AKAP3: variants seen among roughly 807,000 people sequenced by gnomAD.
AKAP3 encodes A-kinase anchoring protein 3.
In AKAP3, 27 loss-of-function variants were observed where a neutral mutation model predicts 57.2. The ratio of observed to expected loss-of-function variants is 0.47; its 90% confidence interval spans 0.35 to 0.65. AKAP3 has a LOEUF of 0.65. AKAP3 is among the 30% of genes least tolerant of loss of function. AKAP3 has a pLI of 0.01. For missense variants in AKAP3, 959 were observed against 1,040.0 expected (o/e 0.92, Z 1.07); for synonymous variants, 334 against 392.3 (o/e 0.85, Z 1.76).
chr12:4,636,166 C>A, intron 4 of AKAP3: 2 of 635,230 alleles, frequency 3.1e-6, no homozygotes, highest in South Asian at 3.5e-5. Context: ...TAGCCATGTT[C>A]ACATTTGAAA....
At position 4,626,649 on chromosome 12, in the gene AKAP3, C is replaced by A. The variant is rs779141768; in HGVS notation, c.2253G>T (p.Gly751=). Residue 751 remains glycine (G), a synonymous_variant, in exon 5 of 6, where the codon GGG becomes GGT. Transcript: ENST00000228850. ...TGACAATCACCGTGGGTGCTGCACA[C>A]CCTTCAGGGGGCTGTCCTGATGTGC... ...MRGTSGQPPE[G]CAAPTVIVSN... 1 of 1,614,230 alleles carries A rather than the reference C, an allele frequency of 6.2e-7. No individual in the cohort carries two copies. The highest frequency in any genetic ancestry group is 8.5e-7 in the Non-Finnish European group (1 of 1,180,042).
intron 4 of AKAP3, among the ~76,000 whole-genome samples, chr12:4,634,588 T>A (rs1470240522): frequency 1.3e-5 from 2 of 152,204 alleles, no homozygotes; most frequent in African/African-American, 4.8e-5. Context: ...CCAGCAGTGA[T>A]TAATTAGATA....
chr12:4,618,610 G>T (rs11608895), intron 5 of AKAP3, among the ~76,000 whole-genome samples: 2,862 of 152,302 alleles, frequency 0.019, 41 homozygotes, highest in Non-Finnish European at 0.029. Context: ...GGGCTATTTT[G>T]CTCATTGCAT....
At chr12:4,645,882 ATT>A in intron 1 of AKAP3, 1 of 152,164 alleles carries the variant, frequency 6.6e-6, no homozygotes, top group Non-Finnish European at 1.5e-5. Flanking sequence ...CAGAGTAAGT[ATT>A]ATGTATTAAC....
Position 4,647,111 on chromosome 12 carries a change from T to C in AKAP3, c.-245+1634A>G, listed in dbSNP as rs1045630789. Among the ~76,000 whole-genome samples the C allele has an allele frequency of 2.0e-5, 3 of 152,144 alleles. No individual in the cohort carries two copies. The South Asian group carries it at 6.2e-4, about 32-fold the overall frequency. On this transcript the variant is annotated intron_variant, in intron 1 of 5. Coordinates refer to ENST00000228850, the MANE Select transcript of AKAP3 (RefSeq NM_001278309.2). ...TCGTCTTTGAAATAATGGGGCTTGC[T>C]GAGCTCCTAAAATCTCTTCCAGCTC...
chr12:4,627,459 A>T lies in AKAP3; in HGVS notation c.1443T>A (p.Ala481=). 1 of 1,613,970 alleles carries T rather than the reference A, an allele frequency of 6.2e-7. No homozygotes were observed. ...ATGCAGGCTTACGCTGTGTGTTGGG[A>T]GCTTCAAATGCTGCATGCTGGAAAC... ...SLGFQHAAFE[A]PNTQRKPASD... Residue 481 remains alanine (A), a synonymous_variant, in exon 5 of 6, where the codon GCT becomes GCA. Coordinates refer to ENST00000228850, the MANE Select transcript of AKAP3 (RefSeq NM_001278309.2).
intron 4 of AKAP3, among the ~76,000 whole-genome samples, chr12:4,634,384 G>T (rs1339673534): frequency 6.6e-6 from 1 of 152,098 alleles, no homozygotes; most frequent in East Asian, 1.9e-4. Flanking sequence ...ATACTTTTAA[G>T]CAACTCTTAA....
intron 5 of AKAP3, among the ~76,000 whole-genome samples, chr12:4,616,669 TA>T (rs1945288978): frequency 6.6e-6 from 1 of 151,870 alleles, no homozygotes; most frequent in Admixed American, 6.5e-5. Context: ...AAATATAAAA[TA>T]AAAACCTGTC....
Position 4,648,999 on chromosome 12 carries a change from C to CG in AKAP3, c.-500_-499insC. On this transcript the variant is annotated 5_prime_UTR_variant, in exon 1 of 6. Coordinates refer to ENST00000228850, the MANE Select transcript of AKAP3 (RefSeq NM_001278309.2). ...TTCACTTTCCCAGCTTTCTTCTTAA[C>CG]CAACAATCTACCCGAAACCGTCGTT... 9.4e-7 allele frequency: 1 copy of CG among 1,063,172 alleles called. No homozygotes were observed. Among genetic ancestry groups the CG allele is most frequent in the Non-Finnish European group, 1.4e-6 (1 of 729,834 alleles). The allele number at this position is 1,063,172 out of a possible 1,614,324, so 65.9% of individuals were successfully genotyped here. A position where few individuals can be genotyped will look rare whatever the true frequency, so the allele number is the denominator to read the frequency against.
intron 4 of AKAP3, among the ~76,000 whole-genome samples, chr12:4,635,000 G>A (rs1286164077): frequency 6.6e-6 from 1 of 151,780 alleles, no homozygotes; most frequent in East Asian, 1.9e-4. Flanking sequence ...TTTTCCACAG[G>A]TGACTACTGC....
At chr12:4,642,550 C>T (rs1945649776) in intron 2 of AKAP3, among the ~76,000 whole-genome samples, 1 of 152,170 alleles carries the variant, frequency 6.6e-6, no homozygotes, top group Admixed American at 6.5e-5. Context: ...GAATATCCAC[C>T]CAGCCCCCCA....
At chr12:4,646,149 T>C (rs1490425299) in intron 1 of AKAP3, among the ~76,000 whole-genome samples, 1 of 152,204 alleles carries the variant, frequency 6.6e-6, no homozygotes, top group Non-Finnish European at 1.5e-5. Flanking sequence ...CCTGAGAAAC[T>C]GTAGTGGGAA....
At chr12:4,629,006 T>C (rs1276260125) in intron 4 of AKAP3, among the ~76,000 whole-genome samples, 3 of 152,252 alleles carry the variant, frequency 2.0e-5, no homozygotes, top group Non-Finnish European at 4.4e-5. Flanking sequence ...CATTTAATTA[T>C]TTCTCATACT....
intron 4 of AKAP3, among the ~76,000 whole-genome samples, chr12:4,633,954 G>T (rs1945532499): frequency 6.8e-6 from 1 of 146,610 alleles, no homozygotes; most frequent in Admixed American, 6.8e-5. Context: ...GAGATTTCAA[G>T]TGACATATCT....
intron 2 of AKAP3, among the ~76,000 whole-genome samples, chr12:4,644,116 T>A (rs1945669601): frequency 6.6e-6 from 1 of 151,932 alleles, no homozygotes; most frequent in Non-Finnish European, 1.5e-5. Context: ...AATAAAGATT[T>A]GTGTGTGTGT....
chr12:4,637,252 A>C (rs1304500396), intron 4 of AKAP3, among the ~76,000 whole-genome samples: 1 of 152,158 alleles, frequency 6.6e-6, no homozygotes, highest in Non-Finnish European at 1.5e-5. Context: ...TAAACCCTAA[A>C]CATTTCTCCT....
intron 3 of AKAP3, among the ~76,000 whole-genome samples, chr12:4,640,373 TA>T (rs1361707797): frequency 6.6e-6 from 1 of 152,214 alleles, no homozygotes; most frequent in Non-Finnish European, 1.5e-5. Flanking sequence ...CCTAATTTTT[TA>T]TAGTGAAATT....
intron 4 of AKAP3, among the ~76,000 whole-genome samples, chr12:4,629,154 A>G (rs963283870): frequency 6.6e-6 from 1 of 152,050 alleles, no homozygotes; most frequent in Non-Finnish European, 1.5e-5. Flanking sequence ...TGGCAGTCTG[A>G]CTCCACAGCC....
At chr12:4,620,110 A>G (rs1945328506) in intron 5 of AKAP3, among the ~76,000 whole-genome samples, 2 of 152,216 alleles carry the variant, frequency 1.3e-5, no homozygotes, top group African/African-American at 2.4e-5. Context: ...ATAGAATTAC[A>G]GTAATTAAAA....
Sources: allele counts gnomAD v4.1 joint callset (sites outside exome capture counted in the v4.1 genomes callset), GRCh38; gene constraint gnomAD v4.1.1; transcripts MANE v1.5; gene names NCBI Gene and HGNC (gene_info 2026-07-23, HGNC 2026-07-21).